The following MICALL1 variants were observed in gnomAD, a reference collection of about 807,000 sequenced individuals.
MICALL1 encodes MICAL like 1.
MICALL1 carries 61 observed loss-of-function variants against 83.7 expected under a neutral mutation model. That is an observed-to-expected ratio of 0.73 (90% CI 0.59 to 0.90). The LOEUF is 0.90. Ranked by LOEUF, MICALL1 falls within the 40% of genes least tolerant of loss-of-function variation. The pLI, the probability that MICALL1 is intolerant of heterozygous loss-of-function variation, is 0.00. For synonymous variants in MICALL1, 481 were observed against 473.6 expected, an observed-to-expected ratio of 1.02 and a Z score of -0.20; for missense variants, 1,066 against 1,152.0, an observed-to-expected ratio of 0.93 and a Z score of 1.08.
At chr22:37,919,850 G>A (rs1444227622) in intron 5 of MICALL1, among the ~76,000 whole-genome samples, 1 of 152,078 alleles carries the variant, frequency 6.6e-6, no homozygotes, top group South Asian at 2.1e-4. Flanking sequence ...TTAGCTGGGT[G>A]TGGTCGTGGG....
At chr22:37,923,755 T>C (rs1387518988) in intron 6 of MICALL1, among the ~76,000 whole-genome samples, 1 of 152,208 alleles carries the variant, frequency 6.6e-6, no homozygotes, top group Non-Finnish European at 1.5e-5. Context: ...TCTGGGACTC[T>C]GCACATTGGT....
Position 37,906,634 on chromosome 22 carries a change from C to T in MICALL1, c.146+66C>T, listed in dbSNP as rs188443789. 35 of 1,131,200 alleles carry T rather than the reference C, an allele frequency of 3.1e-5. No homozygotes were observed. The highest frequency in any genetic ancestry group is 4.9e-5 in the African/African-American group (3 of 60,686). 70.1% of individuals were successfully genotyped at this position (1,131,200 alleles called of 1,614,324 possible). A position where few individuals can be genotyped will look rare whatever the true frequency, so the allele number is the denominator to read the frequency against. Reference sequence around the variant, plus strand: ...GCTGGGGCCGCGACCGCCGCCCCCCCTCAGTAACACGAAGCCCGGGCGGTG... The same window carrying T: ...GCTGGGGCCGCGACCGCCGCCCCCCTTCAGTAACACGAAGCCCGGGCGGTG... On this transcript the variant is annotated intron_variant, in intron 1 of 15. Coordinates refer to ENST00000215957, the MANE Select transcript of MICALL1 (RefSeq NM_033386.4). The surrounding 1 kb of genome is among the most constrained non-coding windows in gnomAD (Gnocchi z 4.4).
Position 37,932,909 on chromosome 22 carries a change from C to T in MICALL1, c.2234+21C>T. On this transcript the variant is annotated intron_variant, in intron 12 of 15. Transcript: ENST00000215957. This position sits in a 1 kb window ranked among gnomAD's most constrained non-coding sequence, Gnocchi z 4.4. The stretch of plus-strand genomic sequence containing the variant: ...TATGTGTGAGTCCCCCCGCCTGGGG[C>T]ATCCCTCCCTGGAATCCGTAGAGCT... 1 of 1,613,594 alleles carries T rather than the reference C, an allele frequency of 6.2e-7. No homozygotes were observed. The highest frequency in any genetic ancestry group is 8.5e-7 in the Non-Finnish European group (1 of 1,179,540).
intron 9 of MICALL1, among the ~76,000 whole-genome samples, chr22:37,928,775 G>A (rs747472711): frequency 6.6e-6 from 1 of 152,268 alleles, no homozygotes; most frequent in East Asian, 1.9e-4. Context: ...TTGTCTGTCC[G>A]CTCTTCCATT....
chr22:37,917,088 T>C (rs949516266), intron 3 of MICALL1, among the ~76,000 whole-genome samples: 37 of 152,226 alleles, frequency 2.4e-4, no homozygotes, highest in African/African-American at 8.4e-4. Flanking sequence ...GCCAGGCTGG[T>C]CTTGAACTCC....
intron 13 of MICALL1, 66 bp downstream of exon 13, chr22:37,933,178 G>C: frequency 1.3e-6 from 2 of 1,538,012 alleles, no homozygotes; most frequent in Non-Finnish European, 1.8e-6. Context: ...AGGAGTGGGG[G>C]AGCGGGCAGA....
At chr22:37,938,457 CTTTTTTTTTTTTTT>C (rs1404548759) in intron 15 of MICALL1, among the ~76,000 whole-genome samples, 1 of 118,542 alleles carries the variant, frequency 8.4e-6, no homozygotes, top group Non-Finnish European at 1.8e-5. Context: ...TTTTTCTTTT[CTTTTTTTTTTTTTT>C]GAGACAGAGT....
At position 37,924,614 on chromosome 22, in the gene MICALL1, C is replaced by G. The variant is rs368851399; in HGVS notation, c.1025-46C>G. The G allele has an allele frequency of 2.5e-6, 4 of 1,589,254 alleles. No individual in the cohort carries two copies. Among genetic ancestry groups the G allele is most frequent in the Non-Finnish European group, 3.4e-6 (4 of 1,164,178 alleles). On this transcript the variant is annotated intron_variant, in intron 6 of 15. Coordinates refer to ENST00000215957, the MANE Select transcript of MICALL1 (RefSeq NM_033386.4). The surrounding 1 kb of genome is among the most constrained non-coding windows in gnomAD (Gnocchi z 5.2). Reference sequence around the variant, plus strand: ...TGTGGCTGGCTCCCTGGGTGCCCACCTCCTGCTGCCCATGAAGGCCTGGCT... The same window carrying G: ...TGTGGCTGGCTCCCTGGGTGCCCACGTCCTGCTGCCCATGAAGGCCTGGCT...
At chr22:37,935,729 CT>C (rs558695275) in intron 13 of MICALL1, among the ~76,000 whole-genome samples, 4,084 of 126,284 alleles carry the variant, frequency 0.032, 112 homozygotes, top group Admixed American at 0.1. Context: ...AGGATATTTA[CT>C]TTTTTTTTTT....
At chr22:37,936,243 C>T (rs985779607) in intron 13 of MICALL1, among the ~76,000 whole-genome samples, 1 of 152,172 alleles carries the variant, frequency 6.6e-6, no homozygotes, top group African/African-American at 2.4e-5. Flanking sequence ...AGGGGAGCCT[C>T]CTGCTGGGCT....
At chr22:37,937,857 G>A in intron 15 of MICALL1, 65 bp downstream of exon 15, 1 of 1,603,182 alleles carries the variant, frequency 6.2e-7, no homozygotes, top group Non-Finnish European at 8.5e-7. Context: ...TTGGAAGGGA[G>A]GGACTGGTTG....
At position 37,926,007 on chromosome 22, in the gene MICALL1, C is replaced by T. The variant is rs141055585; in HGVS notation, c.1429C>T (p.Arg477Cys). Reference sequence around the variant, plus strand: ...TACCAGCAGCCCCAAGACAAAGAAGCGCCCTGCCCCGCGCGCACCCAGCGC... The same window carrying T: ...TACCAGCAGCCCCAAGACAAAGAAGTGCCCTGCCCCGCGCGCACCCAGCGC... ...TPTSSPKTKK[R>C]PAPRAPSASP... is the part of the protein sequence containing the mutation. Residue 477 changes from arginine (R) to cysteine (C), a missense_variant, in exon 8 of 16, where the codon CGC (arginine) becomes TGC (cysteine). Arg to Cys is a radical substitution (Grantham distance 180). Transcript: ENST00000215957. 433 of 1,612,520 alleles carry T rather than the reference C, an allele frequency of 2.7e-4. No individual in the cohort carries two copies. In the African/African-American group the frequency reaches 4.8e-3, roughly 18 times the overall value.
At chr22:37,910,157 A>C (rs889919949) in intron 1 of MICALL1, among the ~76,000 whole-genome samples, 1 of 152,220 alleles carries the variant, frequency 6.6e-6, no homozygotes, top group Non-Finnish European at 1.5e-5. Context: ...CACAGATGTT[A>C]ATTAGGGACA....
intron 13 of MICALL1, among the ~76,000 whole-genome samples, chr22:37,936,417 G>A (rs1930125043): frequency 6.6e-6 from 1 of 152,114 alleles, no homozygotes; most frequent in African/African-American, 2.4e-5. Context: ...CTTGCCTCCC[G>A]CCAGAAGCCA....
In MICALL1 at chr22:37,932,501, G is replaced by A. The variant is rs903685844; in HGVS notation, c.2017-52G>A. ...AATGCTGGCCAGAGAAGAGGGCAAG[G>A]CTCCTGGCAGCAACCAGGCAGGCCG... On this transcript the variant is annotated intron_variant, in intron 10 of 15. Transcript: ENST00000215957. This position sits in a 1 kb window ranked among gnomAD's most constrained non-coding sequence, Gnocchi z 4.4. 5.9e-5 allele frequency: 95 copies of A among 1,605,590 alleles called. No homozygotes were observed. Among genetic ancestry groups the A allele is most frequent in the Non-Finnish European group, 7.4e-5 (87 of 1,174,848 alleles).
At chr22:37,937,449 G>GTTT (rs1930198422) in intron 14 of MICALL1, among the ~76,000 whole-genome samples, 3 of 128,664 alleles carry the variant, frequency 2.3e-5, no homozygotes, top group Non-Finnish European at 3.2e-5. Context: ...TTGAGACAGC[G>GTTT]TTTCACTCTT....
At position 37,925,659 on chromosome 22, in the gene MICALL1, A is replaced by T. The variant is rs774299265; in HGVS notation, c.1083-2A>T. 2.7e-6 allele frequency: 4 copies of T among 1,493,068 alleles called. No homozygotes were observed. The African/African-American group carries it at 4.4e-5, about 17-fold the overall frequency. 92.5% of individuals were successfully genotyped at this position (1,493,068 alleles called of 1,614,324 possible). A position where few individuals can be genotyped will look rare whatever the true frequency, so the allele number is the denominator to read the frequency against. On this transcript the variant is annotated splice_acceptor_variant, in intron 7 of 15. Transcript: ENST00000215957. LOFTEE classifies it high-confidence loss of function. ...GTTTCTGCTGCTTCCCCCCTCCTCC[A>T]GGACACCAGCCCCCAGGAAGGACCC...
In MICALL1 at chr22:37,932,468, C is replaced by T; in HGVS notation, c.2017-85C>T. ...GACAGGGCCCGGGCCCTGGAGCCAC[C>T]AGTGGCCAATGCTGGCCAGAGAAGA... On this transcript the variant is annotated intron_variant, in intron 10 of 15. Coordinates refer to ENST00000215957, the MANE Select transcript of MICALL1 (RefSeq NM_033386.4). The surrounding 1 kb of genome is among the most constrained non-coding windows in gnomAD (Gnocchi z 4.4). 1 of 1,567,142 alleles carries T rather than the reference C, an allele frequency of 6.4e-7. No individual in the cohort carries two copies. The highest frequency in any genetic ancestry group is 1.2e-5 in the South Asian group (1 of 84,314).
intron 9 of MICALL1, among the ~76,000 whole-genome samples, chr22:37,931,351 G>A (rs1929773702): frequency 6.6e-6 from 1 of 152,066 alleles, no homozygotes; most frequent in African/African-American, 2.4e-5. Context: ...GGACCAGCCT[G>A]GGCAACAAAG....
Sources: allele counts gnomAD v4.1 joint callset (sites outside exome capture counted in the v4.1 genomes callset), GRCh38; gene constraint gnomAD v4.1.1; non-coding constraint Gnocchi (gnomAD v3.1); transcripts MANE v1.5; gene names NCBI Gene and HGNC (gene_info 2026-07-23, HGNC 2026-07-21).